The following SHLD1 variants were observed in gnomAD, a reference collection of about 807,000 sequenced individuals.
SHLD1 encodes shieldin complex subunit 1.
In SHLD1, 3 loss-of-function variants were observed where a neutral mutation model predicts 5.5. That is an observed-to-expected ratio of 0.54 (90% CI 0.25 to 1.40). The LOEUF is 1.40. Among genes scored for constraint, SHLD1 ranks in the 40% most tolerant of loss-of-function variants. SHLD1 has a pLI of 0.15. For missense variants in SHLD1, 210 were observed against 244.4 expected (o/e 0.86, Z 0.94); for synonymous variants, 92 against 94.3 (o/e 0.98, Z 0.14).
At chr20:5,783,807 C>T (rs901432534) in intron 2 of SHLD1, among the ~76,000 whole-genome samples, 1 of 151,978 alleles carries the variant, frequency 6.6e-6, no homozygotes, top group Non-Finnish European at 1.5e-5. Flanking sequence ...CCTTATGCAT[C>T]CAGGCAGGCA....
chr20:5,813,226 G>A (rs543076300), intron 2 of SHLD1, among the ~76,000 whole-genome samples: 1 of 151,840 alleles, frequency 6.6e-6, no homozygotes. Flanking sequence ...TGTGGCTCAC[G>A]TCTGTAATCC....
At chr20:5,795,977 G>T (rs796887830) in intron 2 of SHLD1, among the ~76,000 whole-genome samples, 4 of 151,564 alleles carry the variant, frequency 2.6e-5, no homozygotes, top group African/African-American at 9.7e-5. Context: ...GGGCAACAGA[G>T]CGAGACTCTG....
chr20:5,830,444 C>T (rs979929778), intron 2 of SHLD1, among the ~76,000 whole-genome samples: 2 of 151,906 alleles, frequency 1.3e-5, no homozygotes, highest in East Asian at 1.9e-4. Flanking sequence ...CTTTGGGAGG[C>T]TGAGGTGGGC....
intron 1 of SHLD1, among the ~76,000 whole-genome samples, chr20:5,768,348 C>T (rs1204835258): frequency 6.6e-6 from 1 of 152,244 alleles, no homozygotes; most frequent in Non-Finnish European, 1.5e-5. Context: ...TTCCTGAGTG[C>T]ACACTTTCCC....
chr20:5,862,239 A>T (rs2088172760), intron 2 of SHLD1, among the ~76,000 whole-genome samples: 1 of 152,266 alleles, frequency 6.6e-6, no homozygotes, highest in Admixed American at 6.5e-5. Flanking sequence ...CACCTTCAAC[A>T]TACTATAATA....
intron 2 of SHLD1, among the ~76,000 whole-genome samples, chr20:5,848,611 T>C (rs546048572): frequency 5.3e-5 from 8 of 152,314 alleles, no homozygotes; most frequent in African/African-American, 1.4e-4. Context: ...AATAGGACAA[T>C]GTGTTCATTG....
intron 2 of SHLD1, among the ~76,000 whole-genome samples, chr20:5,805,993 G>C (rs2087369706): frequency 6.6e-6 from 1 of 152,146 alleles, no homozygotes; most frequent in African/African-American, 2.4e-5. Flanking sequence ...TTTGGGGTTT[G>C]AAGGGCATTA....
intron 1 of SHLD1, among the ~76,000 whole-genome samples, chr20:5,762,733 G>A (rs1346955553): frequency 6.6e-6 from 1 of 152,020 alleles, no homozygotes; most frequent in Non-Finnish European, 1.5e-5. Context: ...CCAGCACTTT[G>A]GGAGACTGAG....
rs574349680 is a variant in SHLD1, at chr20:5,803,679, G to A, written c.178+30636G>A. Among the ~76,000 whole-genome samples, 28 of 151,800 alleles carry A rather than the reference G, an allele frequency of 1.8e-4. 1 individual carries two copies. The highest frequency in any genetic ancestry group is 6.5e-4 in the African/African-American group (27 of 41,408). On this transcript the variant is annotated intron_variant, in intron 2 of 2. Transcript: ENST00000303142. ...AGGTCAAGAGATCGAGACCATCCTG[G>A]TCAACATGGTGAAAGCCCATCTCTA... is the stretch of plus-strand genomic sequence containing the variant.
At chr20:5,848,254 T>C (rs953550800) in intron 2 of SHLD1, among the ~76,000 whole-genome samples, 1 of 152,194 alleles carries the variant, frequency 6.6e-6, no homozygotes, top group Admixed American at 6.5e-5. Context: ...AAAAATGGGC[T>C]GAGGGCTGGG....
chr20:5,826,551 T>C (rs781635768), intron 2 of SHLD1, among the ~76,000 whole-genome samples: 12 of 152,158 alleles, frequency 7.9e-5, no homozygotes, highest in Non-Finnish European at 1.6e-4. Context: ...CACAGATGGC[T>C]TTCCTGTGAG....
At chr20:5,784,829 G>C (rs1347473573) in intron 2 of SHLD1, among the ~76,000 whole-genome samples, 1 of 152,108 alleles carries the variant, frequency 6.6e-6, no homozygotes, top group Non-Finnish European at 1.5e-5. Flanking sequence ...AAGTTTCAAG[G>C]GCACGTGCTA....
chr20:5,821,319 A>G (rs567947542), intron 2 of SHLD1, among the ~76,000 whole-genome samples: 11 of 152,030 alleles, frequency 7.2e-5, no homozygotes, highest in Non-Finnish European at 1.6e-4. Flanking sequence ...TCGAGACCAG[A>G]CTGGCCAACA....
chr20:5,857,103 G>A (rs1329128943), intron 2 of SHLD1, among the ~76,000 whole-genome samples: 6 of 151,974 alleles, frequency 3.9e-5, no homozygotes, highest in African/African-American at 1.2e-4. Context: ...TGCCTCCCGA[G>A]TAGCTGGGAC....
chr20:5,797,207 G>A (rs2087225858), intron 2 of SHLD1, among the ~76,000 whole-genome samples: 1 of 152,152 alleles, frequency 6.6e-6, no homozygotes, highest in African/African-American at 2.4e-5. Context: ...AGGAAAGAGG[G>A]AGAGGGGAGC....
At chr20:5,773,102 G>A (rs762061373) in intron 2 of SHLD1, 59 bp downstream of exon 2, 1 of 1,559,710 alleles carries the variant, frequency 6.4e-7, no homozygotes, top group South Asian at 1.1e-5. Flanking sequence ...ATACGGGTGT[G>A]TGATAGTTTG....
In SHLD1 at chr20:5,844,795, A is replaced by ATTT. The variant is rs1258738443; in HGVS notation, c.179-18228_179-18227insTTT. Among the ~76,000 whole-genome samples, 274 of 105,022 alleles carry ATTT rather than the reference A, an allele frequency of 2.6e-3. 3 individuals are homozygous for ATTT. Among genetic ancestry groups the ATTT allele is most frequent in the East Asian group, 0.013 (42 of 3,142 alleles). The allele number at this position is 105,022 out of a possible 152,430, so 68.9% of individuals were successfully genotyped here. ...CATATATATATATATATATATATAT[A>ATTT]TATATTTTTTTTTTTTTGAGACACA... On this transcript the variant is annotated intron_variant, in intron 2 of 2. Coordinates refer to ENST00000303142, the MANE Select transcript of SHLD1 (RefSeq NM_152504.4).
intron 1 of SHLD1, among the ~76,000 whole-genome samples, chr20:5,752,347 G>A (rs999463578): frequency 6.6e-6 from 1 of 150,482 alleles, no homozygotes; most frequent in East Asian, 2.0e-4. Context: ...AGTGAGCTGA[G>A]ATCGCACTAC....
At chr20:5,825,478 T>C (rs934011013) in intron 2 of SHLD1, among the ~76,000 whole-genome samples, 2 of 152,264 alleles carry the variant, frequency 1.3e-5, no homozygotes, top group Admixed American at 1.3e-4. Flanking sequence ...TTTCTGTCTT[T>C]TTCCGTAAAG....
Sources: allele counts gnomAD v4.1 joint callset (sites outside exome capture counted in the v4.1 genomes callset), GRCh38; gene constraint gnomAD v4.1.1; transcripts MANE v1.5; gene names NCBI Gene and HGNC (gene_info 2026-07-23, HGNC 2026-07-21).